Variants in MAGI3 observed in about 807,000 individuals in gnomAD.
MAGI3 encodes the protein membrane-associated guanylate kinase, WW and PDZ domain-containing protein 3.
A neutral mutation model predicts 121.8 loss-of-function variants in MAGI3; 43 were observed. That is an observed-to-expected ratio of 0.35 (90% CI 0.28 to 0.46). MAGI3 has a LOEUF of 0.46. MAGI3 is among the 20% of genes least tolerant of loss of function. MAGI3 has a pLI of 1.00. For missense variants in MAGI3, 1,547 were observed against 1,797.3 expected, an observed-to-expected ratio of 0.86 and a Z score of 2.52; for synonymous variants, 553 against 639.3, an observed-to-expected ratio of 0.86 and a Z score of 2.04.
rs373161995 is a variant in MAGI3, at chr1:113,595,194, A to G, written c.1018+634A>G. Among the ~76,000 whole-genome samples, 11 of 152,198 alleles carry G rather than the reference A, an allele frequency of 7.2e-5. No individual in the cohort carries two copies. In the East Asian group the frequency reaches 1.9e-3, roughly 27 times the overall value. ...CACAAACCTGTAGTCCTAAAGCTAT[A>G]TGGGGAGCTGAAATGGGAGGATTGC... On this transcript the variant is annotated intron_variant, in intron 6 of 20. Transcript: ENST00000307546.
At chr1:113,584,181 G>A (rs1648218500) in intron 3 of MAGI3, among the ~76,000 whole-genome samples, 1 of 152,060 alleles carries the variant, frequency 6.6e-6, no homozygotes, top group South Asian at 2.1e-4. Flanking sequence ...GAAAAATCAT[G>A]AGTATTTTAC....
intron 1 of MAGI3, among the ~76,000 whole-genome samples, chr1:113,527,601 T>A (rs1658513856): frequency 6.6e-6 from 1 of 152,140 alleles, no homozygotes; most frequent in Non-Finnish European, 1.5e-5. Context: ...CTTCAGAGGA[T>A]ATTGAGGTGA....
chr1:113,402,774 T>A (rs1018973669), intron 1 of MAGI3, among the ~76,000 whole-genome samples: 5 of 152,120 alleles, frequency 3.3e-5, no homozygotes, highest in Non-Finnish European at 7.4e-5. Context: ...GAAGAGGGAT[T>A]GTGCTCTTGC....
intron 13 of MAGI3, 40 bp downstream of exon 13, chr1:113,649,368 A>C (rs1431597054): frequency 6.9e-7 from 1 of 1,452,668 alleles, no homozygotes. Context: ...TTTCCTGTTC[A>C]AACGTTTTGA....
chr1:113,480,112 T>A (rs1462843356), intron 1 of MAGI3, among the ~76,000 whole-genome samples: 3 of 152,172 alleles, frequency 2.0e-5, no homozygotes, highest in African/African-American at 7.2e-5. Context: ...TTCTTTAGGG[T>A]CATTTAGTGG....
chr1:113,577,583 CTT>C (rs1408955347), intron 2 of MAGI3, among the ~76,000 whole-genome samples: 2 of 151,758 alleles, frequency 1.3e-5, no homozygotes, highest in East Asian at 1.9e-4. Flanking sequence ...AGGAAGATAA[CTT>C]TATGTGTATT....
intron 1 of MAGI3, among the ~76,000 whole-genome samples, chr1:113,417,203 A>G (rs1269187754): frequency 1.3e-5 from 2 of 152,110 alleles, no homozygotes; most frequent in Non-Finnish European, 2.9e-5. Context: ...TATAATCACT[A>G]TCCCAATCAA....
chr1:113,630,651 G>A (rs1475039350), intron 9 of MAGI3, among the ~76,000 whole-genome samples: 2 of 152,164 alleles, frequency 1.3e-5, no homozygotes, highest in East Asian at 3.9e-4. Context: ...AGGGCCCAGG[G>A]GCTCTTGAGC....
intron 9 of MAGI3, among the ~76,000 whole-genome samples, chr1:113,639,550 C>T (rs544094841): frequency 7.3e-5 from 11 of 151,714 alleles, no homozygotes; most frequent in East Asian, 3.9e-4. Context: ...TACAGGCGCA[C>T]GCCACCATGC....
intron 1 of MAGI3, among the ~76,000 whole-genome samples, chr1:113,532,280 T>C (rs1658764847): frequency 6.6e-6 from 1 of 152,040 alleles, no homozygotes; most frequent in African/African-American, 2.4e-5. Flanking sequence ...TTTTATATTA[T>C]ATATAAACAG....
At chr1:113,578,133 T>C (rs921593364) in intron 2 of MAGI3, among the ~76,000 whole-genome samples, 3 of 152,214 alleles carry the variant, frequency 2.0e-5, no homozygotes, top group South Asian at 4.1e-4. Flanking sequence ...GCCTTGCTGC[T>C]TTTTGTTGGC....
chr1:113,482,120 CTG>C (rs1191923476), intron 1 of MAGI3, among the ~76,000 whole-genome samples: 4 of 151,896 alleles, frequency 2.6e-5, no homozygotes, highest in African/African-American at 9.7e-5. Flanking sequence ...AAGATAAAAA[CTG>C]TGAGTTTTAT....
chr1:113,436,044 ATG>A (rs1289897061), intron 1 of MAGI3, among the ~76,000 whole-genome samples: 3 of 111,218 alleles, frequency 2.7e-5, no homozygotes, highest in Admixed American at 1.1e-4. Flanking sequence ...GAATACAAAC[ATG>A]TGCATCTTAG....
rs535159416 is a variant in MAGI3 at position 113,398,476 on chromosome 1, A to G, written c.316+7127A>G. ...AATGTGAACGGTAACCGATCTACTTAATTAAAACTTTCTGGCATTTTAGCC... is the reference window on the plus strand; with the variant it reads ...AATGTGAACGGTAACCGATCTACTTGATTAAAACTTTCTGGCATTTTAGCC... On this transcript the variant is annotated intron_variant, in intron 1 of 20. Coordinates refer to ENST00000307546, the MANE Select transcript of MAGI3 (RefSeq NM_001142782.2). 9.9e-5 allele frequency among the ~76,000 whole-genome samples: 15 copies of G among 152,270 alleles called. No homozygotes were observed. The South Asian group carries it at 3.1e-3, about 32-fold the overall frequency.
chr1:113,602,784 G>T (rs1332544265), intron 6 of MAGI3, among the ~76,000 whole-genome samples: 2 of 152,096 alleles, frequency 1.3e-5, no homozygotes. Context: ...AAATTAACCA[G>T]GTATGGTGGT....
Position 113,590,645 on chromosome 1 carries a change from A to T in MAGI3, c.925A>T (p.Ile309Phe), listed in dbSNP as rs1288346619. The change falls in exon 5 of 21, where the codon ATC becomes TTC. Residue 309 changes from isoleucine to phenylalanine, a missense_variant. Coordinates refer to ENST00000307546, the MANE Select transcript of MAGI3 (RefSeq NM_001142782.2). ...WEMAYTDTGM[I>F]YFIDHNTKTT... Reference sequence around the variant, plus strand: ...AATGGCCTACACTGACACAGGGATGATCTACTTCATTGAGTAAGCAAATGT... The same window carrying T: ...AATGGCCTACACTGACACAGGGATGTTCTACTTCATTGAGTAAGCAAATGT... The T allele has an allele frequency of 3.1e-6, 5 of 1,613,276 alleles. No homozygotes were observed. The highest frequency in any genetic ancestry group is 3.3e-5 in the Admixed American group (2 of 59,882).
rs1480413356 is a variant in MAGI3 at position 113,416,298 on chromosome 1, T to TTAATTATG, written c.316+24956_316+24963dup. On this transcript the variant is annotated intron_variant, in intron 1 of 20. Coordinates refer to ENST00000307546, the MANE Select transcript of MAGI3 (RefSeq NM_001142782.2). ...TTAATTACACATATTAATTATGTAATTAATTATGTAATTAATTATGTAATT... is the reference window on the plus strand; with the variant it reads ...TTAATTACACATATTAATTATGTAATTAATTATGTAATTATGTAATTAATTATGTAATT... Among the ~76,000 whole-genome samples the TTAATTATG allele has an allele frequency of 1.7e-4, 23 of 134,348 alleles. 5 individuals are homozygous for TTAATTATG. The highest frequency in any genetic ancestry group is 6.6e-4 in the East Asian group (3 of 4,538). The allele number at this position is 134,348 out of a possible 152,430, so 88.1% of individuals were successfully genotyped here.
chr1:113,395,663 A>G (rs1173372071), intron 1 of MAGI3, among the ~76,000 whole-genome samples: 2 of 151,956 alleles, frequency 1.3e-5, no homozygotes, highest in Non-Finnish European at 2.9e-5. Flanking sequence ...ATATGCATAT[A>G]TGTATATGTA....
At chr1:113,512,721 A>C (rs557614873) in intron 1 of MAGI3, among the ~76,000 whole-genome samples, 15 of 152,324 alleles carry the variant, frequency 9.8e-5, no homozygotes, top group South Asian at 6.2e-4. Flanking sequence ...GGCACAAGAC[A>C]GGGGTGCCCT....
Sources: allele counts gnomAD v4.1 joint callset (sites outside exome capture counted in the v4.1 genomes callset), GRCh38; gene constraint gnomAD v4.1.1; transcripts MANE v1.5; gene names NCBI Gene and HGNC (gene_info 2026-07-23, HGNC 2026-07-21).